The following THSD4 variants were observed in gnomAD, a reference collection of about 807,000 sequenced individuals.
The protein encoded by THSD4 is thrombospondin type-1 domain-containing protein 4.
Under a neutral mutation model 119.0 loss-of-function variants are expected in THSD4, and 69 were observed. The ratio of observed to expected loss-of-function variants is 0.58; its 90% CI spans 0.48 to 0.71. THSD4 has a LOEUF of 0.71. THSD4 is among the 30% of genes least tolerant of loss of function. The pLI, the probability that THSD4 is intolerant of heterozygous loss-of-function variation, is 0.00. For synonymous variants in THSD4, 524 were observed against 540.4 expected (o/e 0.97, Z 0.42); for missense variants, 1,393 against 1,391.1 (o/e 1.00, Z -0.02).
chr15:71,136,439 C>T (rs1035566969), intron 1 of THSD4, among the ~76,000 whole-genome samples: 7 of 152,134 alleles, frequency 4.6e-5, no homozygotes, highest in Non-Finnish European at 1.0e-4. Context: ...GTGGAGGCTC[C>T]TGTCTTGCCC....
chr15:71,261,132 T>A (rs58912301), intron 6 of THSD4, among the ~76,000 whole-genome samples: 3,198 of 152,164 alleles, frequency 0.021, 120 homozygotes, highest in African/African-American at 0.074. Context: ...GCAGATCTAA[T>A]TAAGATATAA....
intron 8 of THSD4, among the ~76,000 whole-genome samples, chr15:71,675,026 A>G (rs1455573794): frequency 6.6e-6 from 1 of 152,190 alleles, no homozygotes; most frequent in Non-Finnish European, 1.5e-5. Flanking sequence ...TTTATGTACC[A>G]TTAAGTTCAC....
rs377712629 is a variant in THSD4, at chr15:71,282,329, G to A, written c.1015+25614G>A. 2.3e-4 allele frequency among the ~76,000 whole-genome samples: 35 copies of A among 152,156 alleles called. No homozygotes were observed. The South Asian group carries it at 7.1e-3, about 31-fold the overall frequency. On this transcript the variant is annotated intron_variant, in intron 6 of 17. Transcript: ENST00000261862. ...CTTATTTGGTGCTTGGATTAAAAGT[G>A]TTCTCAGAGTTCACTGATTTATATC...
intron 6 of THSD4, among the ~76,000 whole-genome samples, chr15:71,292,949 T>C (rs1307760110): frequency 1.3e-5 from 2 of 152,204 alleles, no homozygotes; most frequent in Non-Finnish European, 2.9e-5. Context: ...GTGCTGGGAT[T>C]ACGGGCATGA....
At chr15:71,280,531 ATCTT>A (rs951644984) in intron 6 of THSD4, among the ~76,000 whole-genome samples, 7 of 152,148 alleles carry the variant, frequency 4.6e-5, no homozygotes, top group South Asian at 2.1e-4. Flanking sequence ...AAATGATAAC[ATCTT>A]TCTTTTTCTG....
chr15:71,225,640 C>T (rs773689961), intron 4 of THSD4, among the ~76,000 whole-genome samples: 1 of 150,188 alleles, frequency 6.7e-6, no homozygotes, highest in Non-Finnish European at 1.5e-5. Context: ...CTCCGCCTCC[C>T]GAGTTCAAAT....
At chr15:71,676,574 C>G (rs1199911012) in intron 8 of THSD4, among the ~76,000 whole-genome samples, 1 of 152,148 alleles carries the variant, frequency 6.6e-6, no homozygotes, top group Non-Finnish European at 1.5e-5. Flanking sequence ...GCTACTGCGC[C>G]CAGCCTCAGA....
chr15:71,127,259 C>T (rs1245120538), intron 1 of THSD4, among the ~76,000 whole-genome samples: 1 of 152,164 alleles, frequency 6.6e-6, no homozygotes, highest in Non-Finnish European at 1.5e-5. Flanking sequence ...GGATTTTCTT[C>T]CTTTTTAAGG....
chr15:71,653,009 A>G (rs901896344), intron 7 of THSD4, among the ~76,000 whole-genome samples: 1 of 152,164 alleles, frequency 6.6e-6, no homozygotes, highest in Non-Finnish European at 1.5e-5. Flanking sequence ...TTTAAAAGAA[A>G]AATTTTGGCA....
intron 5 of THSD4, among the ~76,000 whole-genome samples, chr15:71,252,076 G>A (rs1252672337): frequency 1.3e-5 from 2 of 152,192 alleles, no homozygotes; most frequent in African/African-American, 2.4e-5. Flanking sequence ...TAAATCTCCA[G>A]ACTTTGTTGG....
At chr15:71,486,325 T>G (rs938852038) in intron 7 of THSD4, among the ~76,000 whole-genome samples, 13 of 152,218 alleles carry the variant, frequency 8.5e-5, no homozygotes, top group African/African-American at 2.4e-4. Flanking sequence ...CAGTTCCACT[T>G]GTGGGACCTT....
chr15:71,415,077 T>C (rs1442355717), intron 7 of THSD4, among the ~76,000 whole-genome samples: 1 of 152,276 alleles, frequency 6.6e-6, no homozygotes, highest in Non-Finnish European at 1.5e-5. Flanking sequence ...CTGAGAAAGC[T>C]GTCACTTGCA....
chr15:71,532,281 A>AGTGTGTGT (rs1321666806), intron 7 of THSD4, among the ~76,000 whole-genome samples: 6 of 113,138 alleles, frequency 5.3e-5, no homozygotes, highest in Non-Finnish European at 9.4e-5. Context: ...AGAGAGAGAG[A>AGTGTGTGT]GAGTGTGTGT....
At chr15:71,356,125 C>T (rs1001679266) in intron 6 of THSD4, among the ~76,000 whole-genome samples, 3 of 152,178 alleles carry the variant, frequency 2.0e-5, no homozygotes, top group African/African-American at 4.8e-5. Context: ...ACCTCAGTAT[C>T]CCAAAGTGCT....
intron 3 of THSD4, among the ~76,000 whole-genome samples, chr15:71,203,058 G>A (rs1438430046): frequency 6.6e-6 from 1 of 152,212 alleles, no homozygotes; most frequent in Non-Finnish European, 1.5e-5. Context: ...TGGCCCTGGA[G>A]AATGGGAGAG....
Position 71,292,739 on chromosome 15 carries a change from C to G in THSD4, c.1015+36024C>G, listed in dbSNP as rs184367327. ...TCGCCCAGGCTGGAGCACAGTGGTG[C>G]GATCTCAGCTCACTGCAAGCTCCGC... On this transcript the variant is annotated intron_variant, in intron 6 of 17. Transcript: ENST00000261862. 3.9e-4 allele frequency among the ~76,000 whole-genome samples: 58 copies of G among 146,854 alleles called. 2 individuals are homozygous for G. In the East Asian group the frequency reaches 0.011, roughly 27 times the overall value.
chr15:71,460,888 A>G (rs1283191302), intron 7 of THSD4, among the ~76,000 whole-genome samples: 1 of 151,860 alleles, frequency 6.6e-6, no homozygotes, highest in Non-Finnish European at 1.5e-5. Context: ...TTGGCCCCCT[A>G]CTATTTAAGC....
At chr15:71,629,754 T>G (rs1473595024) in intron 7 of THSD4, among the ~76,000 whole-genome samples, 1 of 152,162 alleles carries the variant, frequency 6.6e-6, no homozygotes, top group African/African-American at 2.4e-5. Context: ...TTACCTCCCT[T>G]GCCCCCATCC....
intron 7 of THSD4, among the ~76,000 whole-genome samples, chr15:71,613,514 A>G (rs2050267533): frequency 6.6e-6 from 1 of 152,218 alleles, no homozygotes; most frequent in South Asian, 2.1e-4. Context: ...GAAGATACAT[A>G]TGGAGCCACA....
Sources: allele counts gnomAD v4.1 joint callset (sites outside exome capture counted in the v4.1 genomes callset), GRCh38; gene constraint gnomAD v4.1.1; transcripts MANE v1.5; gene names NCBI Gene and HGNC (gene_info 2026-07-23, HGNC 2026-07-21).